DYM: variants seen among roughly 807,000 people sequenced by gnomAD.
DYM encodes dyggve-Melchior-Clausen syndrome protein.
Under a neutral mutation model 93.1 loss-of-function variants are expected in DYM, and 78 were observed. That is an observed-to-expected ratio of 0.84 (90% CI 0.70 to 1.01). The LOEUF (loss-of-function observed/expected upper bound fraction) is 1.01. Among genes scored for constraint, DYM ranks in the 50% least tolerant of loss-of-function variants. The pLI is 0.00. For missense variants in DYM, 789 were observed against 845.0 expected (o/e 0.93, Z 0.82); for synonymous variants, 321 against 319.7 (o/e 1.00, Z -0.04).
intron 6 of DYM, among the ~76,000 whole-genome samples, chr18:49,353,527 G>A (rs2065294040): frequency 6.6e-6 from 1 of 151,756 alleles, no homozygotes; most frequent in Non-Finnish European, 1.5e-5. Context: ...ATATTTGAAG[G>A]AATAAAGACA....
At chr18:49,077,487 G>C (rs1487773603) in intron 17 of DYM, among the ~76,000 whole-genome samples, 1 of 151,942 alleles carries the variant, frequency 6.6e-6, no homozygotes, top group East Asian at 1.9e-4. Flanking sequence ...AAATGTTCTG[G>C]GAATATCAAT....
chr18:49,157,503 A>T (rs867497715), intron 15 of DYM, among the ~76,000 whole-genome samples: 9 of 152,186 alleles, frequency 5.9e-5, no homozygotes, highest in South Asian at 2.1e-4. Flanking sequence ...TCTGGCCATC[A>T]TAGTACAGAA....
At chr18:49,231,369 T>C (rs1487645796) in intron 13 of DYM, among the ~76,000 whole-genome samples, 2 of 152,020 alleles carry the variant, frequency 1.3e-5, no homozygotes, top group African/African-American at 4.8e-5. Context: ...AGATCTAGAG[T>C]ACGAGAACAA....
At chr18:49,257,700 T>G (rs2145152739) in intron 12 of DYM, among the ~76,000 whole-genome samples, 1 of 151,336 alleles carries the variant, frequency 6.6e-6, no homozygotes, top group East Asian at 1.9e-4. Flanking sequence ...AAAAAAAAAT[T>G]AGTCAGGTGT....
At chr18:49,199,469 G>A (rs750952382) in intron 14 of DYM, among the ~76,000 whole-genome samples, 6 of 152,086 alleles carry the variant, frequency 3.9e-5, no homozygotes, top group Admixed American at 1.3e-4. Flanking sequence ...ACTGACTAAC[G>A]CTGTAAATCT....
chr18:49,206,992 A>G (rs1390839797), intron 14 of DYM, among the ~76,000 whole-genome samples: 1 of 152,190 alleles, frequency 6.6e-6, no homozygotes, highest in South Asian at 2.1e-4. Context: ...AGGCTCAGGA[A>G]TTGGACACTG....
chr18:49,102,211 T>C (rs1393342387), intron 16 of DYM, among the ~76,000 whole-genome samples: 2 of 152,226 alleles, frequency 1.3e-5, no homozygotes, highest in Admixed American at 6.5e-5. Flanking sequence ...GCACTTACCA[T>C]GCGCAAAGCA....
intron 2 of DYM, among the ~76,000 whole-genome samples, chr18:49,395,212 G>A (rs184717945): frequency 1.3e-5 from 2 of 151,998 alleles, no homozygotes; most frequent in Admixed American, 6.6e-5. Context: ...CACAGAAAAG[G>A]AGAAAATATT....
At chr18:49,072,225 T>C (rs2076949514) in intron 17 of DYM, among the ~76,000 whole-genome samples, 1 of 152,270 alleles carries the variant, frequency 6.6e-6, no homozygotes, top group South Asian at 2.1e-4. Context: ...TTGTTCCTTC[T>C]AGTTTCACGA....
chr18:49,095,046 C>T (rs77085463), intron 17 of DYM, among the ~76,000 whole-genome samples: 12,511 of 152,220 alleles, frequency 0.082, 664 homozygotes, highest in East Asian at 0.2. Context: ...TTGAAACCAA[C>T]TCTTTTACAT....
At chr18:49,072,727 G>A (rs1235815586) in intron 17 of DYM, among the ~76,000 whole-genome samples, 1 of 152,208 alleles carries the variant, frequency 6.6e-6, no homozygotes, top group Non-Finnish European at 1.5e-5. Context: ...CCTTGAAGGA[G>A]TCAGCCTGTC....
intron 2 of DYM, among the ~76,000 whole-genome samples, chr18:49,416,761 A>T (rs1263164079): frequency 6.6e-6 from 1 of 152,170 alleles, no homozygotes; most frequent in African/African-American, 2.4e-5. Context: ...CTACTTAAAA[A>T]AATAATGTCT....
At chr18:49,254,527 C>T (rs970852379) in intron 13 of DYM, among the ~76,000 whole-genome samples, 2 of 152,064 alleles carry the variant, frequency 1.3e-5, no homozygotes, top group African/African-American at 4.8e-5. Flanking sequence ...TCTCAAATCA[C>T]AAATCTAAAC....
chr18:49,175,221 A>C (rs1568545179), intron 14 of DYM, among the ~76,000 whole-genome samples: 1 of 152,176 alleles, frequency 6.6e-6, no homozygotes, highest in Non-Finnish European at 1.5e-5. Context: ...TCTGCGCACA[A>C]CATGGTCTAA....
rs981614945 is a variant in DYM at position 49,277,033 on chromosome 18, G to A, written c.1126-4730C>T. 2.0e-5 allele frequency among the ~76,000 whole-genome samples: 3 copies of A among 152,140 alleles called. No individual in the cohort carries two copies. The East Asian group carries it at 5.8e-4, about 29-fold the overall frequency. ...ATGAGACAGAGGAGTCAAAGCTTTT[G>A]CCAACTCTATGGATGGCTCCCTGTG... On this transcript the variant is annotated intron_variant, in intron 10 of 17. Coordinates refer to ENST00000675505, the MANE Select transcript of DYM (RefSeq NM_001353214.3).
At chr18:49,401,363 C>A (rs1247338390) in intron 2 of DYM, among the ~76,000 whole-genome samples, 1 of 152,162 alleles carries the variant, frequency 6.6e-6, no homozygotes, top group Non-Finnish European at 1.5e-5. Context: ...TTGGCAGCAA[C>A]ATAAACAGAT....
At chr18:49,364,043 CA>C (rs1890056036) in intron 5 of DYM, among the ~76,000 whole-genome samples, 3 of 152,186 alleles carry the variant, frequency 2.0e-5, no homozygotes, top group Admixed American at 2.0e-4. Flanking sequence ...TCTGCTTCCT[CA>C]AAATACGTTT....
chr18:49,197,092 G>A (rs955413926), intron 14 of DYM, among the ~76,000 whole-genome samples: 2 of 152,170 alleles, frequency 1.3e-5, no homozygotes, highest in Non-Finnish European at 2.9e-5. Context: ...AAAGGTTTAT[G>A]GAGAAAGCTT....
At chr18:49,128,601 A>C (rs2083063127) in intron 15 of DYM, among the ~76,000 whole-genome samples, 1 of 152,170 alleles carries the variant, frequency 6.6e-6, no homozygotes, top group African/African-American at 2.4e-5. Flanking sequence ...TTTATTTGCA[A>C]AAATAAGTAC....
Sources: gnomAD v4.1 joint callset for allele counts (sites outside exome capture counted in the v4.1 genomes callset) on GRCh38, gnomAD v4.1.1 for gene constraint, MANE v1.5 for transcripts, NCBI Gene and HGNC (gene_info 2026-07-23, HGNC 2026-07-21) for gene names.